The following LOC400499 variants were observed in gnomAD, a reference collection of about 807,000 sequenced individuals.
chr16:11,431,079 C>T, the LOC400499 span: 2 of 399,072 alleles, frequency 5.0e-6, no homozygotes, highest in African/African-American at 2.1e-5. Context: ...CTGTGAGTGT[C>T]AGGAGGCGGG....
the LOC400499 span, among the ~76,000 whole-genome samples, chr16:11,452,234 A>C: frequency 7.9e-6 from 1 of 126,142 alleles, no homozygotes. Flanking sequence ...TTTTGAGGTC[A>C]TGGTCATTCA....
the LOC400499 span, among the ~76,000 whole-genome samples, chr16:11,456,513 G>A: frequency 2.0e-5 from 3 of 152,212 alleles, no homozygotes; most frequent in African/African-American, 7.2e-5. Context: ...AGGAGGAAGG[G>A]CCTGACACTT....
At chr16:11,434,879 C>T in the LOC400499 span, among the ~76,000 whole-genome samples, 2 of 152,292 alleles carry the variant, frequency 1.3e-5, no homozygotes, top group South Asian at 2.1e-4. Flanking sequence ...ATAGTGGACA[C>T]ATGAGTAGGT....
the LOC400499 span, among the ~76,000 whole-genome samples, chr16:11,424,507 A>T: frequency 6.6e-6 from 1 of 152,192 alleles, no homozygotes; most frequent in Non-Finnish European, 1.5e-5. Context: ...ACTGCACCCA[A>T]TACACCAGGT....
At chr16:11,446,910 C>G in the LOC400499 span, 1 of 1,533,366 alleles carries the variant, frequency 6.5e-7, no homozygotes, top group East Asian at 2.4e-5. Context: ...GCAACGGGTG[C>G]CTGGTGTGCA....
At chr16:11,390,284 C>G in the LOC400499 span, 5 of 1,232,772 alleles carry the variant, frequency 4.1e-6, no homozygotes, top group Non-Finnish European at 5.1e-6. Flanking sequence ...CTCACCAGCT[C>G]CAGGGCTCCT....
At chr16:11,382,354 C>G in the LOC400499 span, among the ~76,000 whole-genome samples, 1 of 152,338 alleles carries the variant, frequency 6.6e-6, no homozygotes, top group Non-Finnish European at 1.5e-5. Flanking sequence ...GCCACTAATT[C>G]TGGCATCTGA....
the LOC400499 span, chr16:11,470,621 GTGC>G: frequency 6.6e-6 from 1 of 152,272 alleles, no homozygotes; most frequent in African/African-American, 2.4e-5. Flanking sequence ...ACAGAGATGT[GTGC>G]TGCTGCGTGG....
At chr16:11,394,695 A>T in the LOC400499 span, among the ~76,000 whole-genome samples, 1 of 152,220 alleles carries the variant, frequency 6.6e-6, no homozygotes, top group Non-Finnish European at 1.5e-5. Flanking sequence ...CTGTGAGAAG[A>T]CCATGTGAAG....
chr16:11,481,480 A>T, the LOC400499 span, among the ~76,000 whole-genome samples: 1 of 151,914 alleles, frequency 6.6e-6, no homozygotes, highest in Non-Finnish European at 1.5e-5. Flanking sequence ...CTGCCACCAC[A>T]CCTGGCTAAT....
At chr16:11,425,125 C>T in the LOC400499 span, 1 of 399,038 alleles carries the variant, frequency 2.5e-6, no homozygotes, top group East Asian at 3.6e-5. Flanking sequence ...CTCGTCCTAC[C>T]TGCATCACTC....
the LOC400499 span, chr16:11,476,756 G>A: frequency 7.2e-4 from 287 of 399,456 alleles, no homozygotes; most frequent in African/African-American, 5.3e-3. Flanking sequence ...CCGGCACTGG[G>A]CACCCACCTG....
At chr16:11,516,941 C>G in the LOC400499 span, among the ~76,000 whole-genome samples, 6 of 152,214 alleles carry the variant, frequency 3.9e-5, no homozygotes, top group Non-Finnish European at 7.3e-5. Context: ...CCACCGCACT[C>G]CAGCCTCTTG....
At chr16:11,412,919 A>C in the LOC400499 span, 3 of 399,150 alleles carry the variant, frequency 7.5e-6, no homozygotes, top group South Asian at 2.5e-4. Flanking sequence ...TGAGGAGCTC[A>C]TCTCTTCTGC....
At chr16:11,390,013 G>T in the LOC400499 span, 8 of 815,460 alleles carry the variant, frequency 9.8e-6, no homozygotes, top group Non-Finnish European at 1.3e-5. Context: ...GTGGTCACAG[G>T]AGTCAGTGTG....
chr16:11,463,989 G>C, the LOC400499 span, among the ~76,000 whole-genome samples: 1 of 152,162 alleles, frequency 6.6e-6, no homozygotes, highest in African/African-American at 2.4e-5. Flanking sequence ...GTGGATGTGT[G>C]TATATGAATG....
At chr16:11,438,319 C>T in the LOC400499 span, among the ~76,000 whole-genome samples, 2 of 152,142 alleles carry the variant, frequency 1.3e-5, no homozygotes, top group Non-Finnish European at 2.9e-5. Context: ...AAACGGTGAC[C>T]TGTGTCAAGG....
At chr16:11,475,111 G>A in the LOC400499 span, among the ~76,000 whole-genome samples, 1 of 152,104 alleles carries the variant, frequency 6.6e-6, no homozygotes, top group East Asian at 1.9e-4. Flanking sequence ...CTTGCAGCTT[G>A]TGGATTCAGT....
At chr16:11,436,287 A>T in the LOC400499 span, among the ~76,000 whole-genome samples, 2 of 152,286 alleles carry the variant, frequency 1.3e-5, no homozygotes, top group East Asian at 1.9e-4. Flanking sequence ...GGCCCCAGAG[A>T]GTGCCCCACG....
Sources: allele counts gnomAD v4.1 joint callset (sites outside exome capture counted in the v4.1 genomes callset), GRCh38; gene constraint gnomAD v4.1.1; transcripts MANE v1.5.